Variants in KCNQ1 observed in about 807,000 individuals in gnomAD.
KCNQ1 encodes potassium voltage-gated channel subfamily KQT member 1.
KCNQ1 carries 49 observed loss-of-function variants against 72.4 expected under a neutral mutation model. The observed-to-expected ratio is 0.68, with a 90% CI of 0.54 to 0.86. The LOEUF (loss-of-function observed/expected upper bound fraction) is 0.86, where lower values mean the gene tolerates loss of function less well. KCNQ1 is among the 40% of genes least tolerant of loss of function. KCNQ1 has a pLI of 0.00. For missense variants in KCNQ1, 790 were observed against 945.1 expected (o/e 0.84, Z 2.15); for synonymous variants, 450 against 412.6 (o/e 1.09, Z -1.10).
intron 11 of KCNQ1, among the ~76,000 whole-genome samples, chr11:2,700,462 C>T (rs1183179485): frequency 3.3e-5 from 5 of 152,252 alleles, no homozygotes; most frequent in East Asian, 3.9e-4. Flanking sequence ...GTCCAGGCCA[C>T]GCCCGAGACC....
chr11:2,461,422 G>A, intron 1 of KCNQ1: 1 of 1,280,198 alleles, frequency 7.8e-7, no homozygotes, highest in African/African-American at 1.5e-5. Context: ...AGCCGGCCGG[G>A]GCGGGGGTGG....
rs1420449856 is a variant in KCNQ1, at chr11:2,647,694, AT to A, written c.1394-14259del. On this transcript the variant is annotated intron_variant, in intron 10 of 15. Coordinates refer to ENST00000155840, the MANE Select transcript of KCNQ1 (RefSeq NM_000218.3). This position sits in a 1 kb window ranked among gnomAD's most constrained non-coding sequence, Gnocchi z 4.0. ...CATTCCTTGTTATTGCTCTGTTCAGATTTTTTTTCTTCCTGGTTCAATCTTG... is the reference window on the plus strand; with the variant it reads ...CATTCCTTGTTATTGCTCTGTTCAGATTTTTTTCTTCCTGGTTCAATCTTG... 7.5e-6 allele frequency: 3 copies of A among 398,040 alleles called. No homozygotes were observed. Among genetic ancestry groups the A allele is most frequent in the African/African-American group, 6.2e-5 (3 of 48,476 alleles). 24.7% of individuals were successfully genotyped at this position (398,040 alleles called of 1,614,324 possible). A position where few individuals can be genotyped will look rare whatever the true frequency, so the allele number is the denominator to read the frequency against.
chr11:2,647,364 G>C lies in KCNQ1; in HGVS notation c.1394-14597G>C, dbSNP rs898379544. 2 of 398,310 alleles carry C rather than the reference G, an allele frequency of 5.0e-6. No homozygotes were observed. The highest frequency in any genetic ancestry group is 8.8e-6 in the Non-Finnish European group (2 of 226,014). The allele number at this position is 398,310 out of a possible 1,614,324, so 24.7% of individuals were successfully genotyped here. A position where few individuals can be genotyped will look rare whatever the true frequency, so the allele number is the denominator to read the frequency against. ...TGTATTATCTTTTTGATGTGCGATT[G>C]GATTCAGATTGCTAGTTTGTGTGTC... On this transcript the variant is annotated intron_variant, in intron 10 of 15. Transcript: ENST00000155840. This position sits in a 1 kb window ranked among gnomAD's most constrained non-coding sequence, Gnocchi z 4.0.
intron 11 of KCNQ1, among the ~76,000 whole-genome samples, chr11:2,763,996 T>C (rs1846453224): frequency 6.6e-6 from 1 of 152,254 alleles, no homozygotes; most frequent in Admixed American, 6.5e-5. Flanking sequence ...AACAAATGTT[T>C]TATTTTTTCC....
chr11:2,498,045 C>A lies in KCNQ1; in HGVS notation c.387-29883C>A, dbSNP rs567738814. On this transcript the variant is annotated intron_variant, in intron 1 of 15. Coordinates refer to ENST00000155840, the MANE Select transcript of KCNQ1 (RefSeq NM_000218.3). The surrounding 1 kb of genome is among the most constrained non-coding windows in gnomAD (Gnocchi z 4.8). ...TGCTGCCTACTCCTTCCTCTGGAAG[C>A]TTTGTCCCAGAAGGGCACCAGCCTG... 6.6e-6 allele frequency among the ~76,000 whole-genome samples: 1 copy of A among 152,202 alleles called. No homozygotes were observed. Among genetic ancestry groups the A allele is most frequent in the South Asian group, 2.1e-4 (1 of 4,834 alleles).
rs1849870707 is a variant in KCNQ1, at chr11:2,657,491, A to G, written c.1394-4470A>G. On this transcript the variant is annotated intron_variant, in intron 10 of 15. Transcript: ENST00000155840. This position sits in a 1 kb window ranked among gnomAD's most constrained non-coding sequence, Gnocchi z 4.8. Reference sequence around the variant, plus strand: ...GTTCTGTTTTCTCTTGTTACCTCACATTTTTTATTTACAGAAGAGAAACAA... The same window carrying G: ...GTTCTGTTTTCTCTTGTTACCTCACGTTTTTTATTTACAGAAGAGAAACAA... 2.5e-6 allele frequency: 1 copy of G among 398,360 alleles called. No homozygotes were observed. The highest frequency in any genetic ancestry group is 2.1e-5 in the African/African-American group (1 of 48,620). 24.7% of individuals were successfully genotyped at this position (398,360 alleles called of 1,614,324 possible).
chr11:2,453,409 T>G (rs187006728), intron 1 of KCNQ1, among the ~76,000 whole-genome samples: 2 of 9,756 alleles, frequency 2.1e-4, no homozygotes, highest in Non-Finnish European at 1.5e-3. Flanking sequence ...AAACAGCCAA[T>G]TGCCAGGCTG....
chr11:2,660,141 T>C (rs953941034), intron 10 of KCNQ1: 2 of 398,328 alleles, frequency 5.0e-6, no homozygotes, highest in African/African-American at 4.1e-5. Flanking sequence ...GGAGATTTTC[T>C]CTTATGTTTT....
chr11:2,817,667 T>C lies in KCNQ1; in HGVS notation c.1795-30100T>C, dbSNP rs1174753658. Among the ~76,000 whole-genome samples the C allele has an allele frequency of 6.6e-5, 10 of 152,114 alleles. No individual in the cohort carries two copies. ...GAGGTGGTGAGAGCTACCCCGGGTC[T>C]GGGGACTGTTAGCACAGACCTGAGC... On this transcript the variant is annotated intron_variant, in intron 15 of 15. Coordinates refer to ENST00000155840, the MANE Select transcript of KCNQ1 (RefSeq NM_000218.3). This position sits in a 1 kb window ranked among gnomAD's most constrained non-coding sequence, Gnocchi z 6.1.
chr11:2,636,820 T>C (rs11529576), intron 10 of KCNQ1: 1 of 152,196 alleles, frequency 6.6e-6, no homozygotes, highest in Non-Finnish European at 1.5e-5. Flanking sequence ...GGTCCTGGAC[T>C]TTTTTTGGTT....
chr11:2,630,238 G>A (rs182716361), intron 10 of KCNQ1: 7 of 398,060 alleles, frequency 1.8e-5, no homozygotes, highest in African/African-American at 1.4e-4. Context: ...ACACTTAACT[G>A]TCCTTATGTA....
rs966165013 is a variant in KCNQ1 at position 2,817,820 on chromosome 11, A to T, written c.1795-29947A>T. On this transcript the variant is annotated intron_variant, in intron 15 of 15. Transcript: ENST00000155840. The surrounding 1 kb of genome is among the most constrained non-coding windows in gnomAD (Gnocchi z 6.1). Reference sequence around the variant, plus strand: ...GCTGCAACTTAAATTCCAAGGAGAGATCCTGAATCCAGAGTCACATGTATG... The same window carrying T: ...GCTGCAACTTAAATTCCAAGGAGAGTTCCTGAATCCAGAGTCACATGTATG... 6.6e-6 allele frequency among the ~76,000 whole-genome samples: 1 copy of T among 152,098 alleles called. No homozygotes were observed. Among genetic ancestry groups the T allele is most frequent in the Non-Finnish European group, 1.5e-5 (1 of 68,014 alleles).
chr11:2,493,383 T>C lies in KCNQ1; in HGVS notation c.387-34545T>C, dbSNP rs933776704. Among the ~76,000 whole-genome samples the C allele has an allele frequency of 5.9e-5, 9 of 152,348 alleles. No individual in the cohort carries two copies. The highest frequency in any genetic ancestry group is 3.9e-4 in the East Asian group (2 of 5,188). On this transcript the variant is annotated intron_variant, in intron 1 of 15. Transcript: ENST00000155840. This position sits in a 1 kb window ranked among gnomAD's most constrained non-coding sequence, Gnocchi z 5.3. ...GATCCCATTTGTCAATTTTGGCTTT[T>C]GTTGCAATTGCTCTTGGTGTTTTAG...
intron 10 of KCNQ1, chr11:2,644,719 A>G: frequency 2.5e-6 from 1 of 398,532 alleles, no homozygotes; most frequent in East Asian, 3.6e-5. Context: ...CTTGTTCCTG[A>G]AGATATATCT....
At position 2,769,942 on chromosome 11, in the gene KCNQ1, C is replaced by A. The variant is rs1051902186; in HGVS notation, c.1590+1023C>A. On this transcript the variant is annotated intron_variant, in intron 12 of 15. Coordinates refer to ENST00000155840, the MANE Select transcript of KCNQ1 (RefSeq NM_000218.3). This position sits in a 1 kb window ranked among gnomAD's most constrained non-coding sequence, Gnocchi z 4.6. Reference sequence around the variant, plus strand: ...TCGGTGGCATCCCAGCCCACCAAGACTTATCCTGGAGCCACTGAGCTCCCT... The same window carrying A: ...TCGGTGGCATCCCAGCCCACCAAGAATTATCCTGGAGCCACTGAGCTCCCT... 7.2e-5 allele frequency among the ~76,000 whole-genome samples: 11 copies of A among 152,116 alleles called. No individual in the cohort carries two copies. The highest frequency in any genetic ancestry group is 2.7e-4 in the African/African-American group (11 of 41,428).
At chr11:2,684,384 G>A (rs914365215) in intron 11 of KCNQ1, 7 of 398,574 alleles carry the variant, frequency 1.8e-5, no homozygotes, top group Non-Finnish European at 3.1e-5. Flanking sequence ...ACAAGCTCCA[G>A]TGGGGTCCAT....
chr11:2,507,608 C>T lies in KCNQ1; in HGVS notation c.387-20320C>T, dbSNP rs1238674805. 6.6e-6 allele frequency among the ~76,000 whole-genome samples: 1 copy of T among 152,070 alleles called. No individual in the cohort carries two copies. Among genetic ancestry groups the T allele is most frequent in the Non-Finnish European group, 1.5e-5 (1 of 68,010 alleles). On this transcript the variant is annotated intron_variant, in intron 1 of 15. Transcript: ENST00000155840. This position sits in a 1 kb window ranked among gnomAD's most constrained non-coding sequence, Gnocchi z 5.4. ...TGGGGCGAAGGAGTCCAGCTGGGGA[C>T]ATGTTATTTTGGAGGTGTTTGTGAG...
In KCNQ1 at chr11:2,698,415, G is replaced by A. The variant is rs1850714409; in HGVS notation, c.1514+36334G>A. ...GGTACTGGGATCTGAACATAGTGGTGGCCCTTCAAGCCTACTACCCAGACT... is the reference window on the plus strand; with the variant it reads ...GGTACTGGGATCTGAACATAGTGGTAGCCCTTCAAGCCTACTACCCAGACT... On this transcript the variant is annotated intron_variant, in intron 11 of 15. Transcript: ENST00000155840. This position sits in a 1 kb window ranked among gnomAD's most constrained non-coding sequence, Gnocchi z 5.1. 2.5e-6 allele frequency: 1 copy of A among 392,766 alleles called. No individual in the cohort carries two copies. Among genetic ancestry groups the A allele is most frequent in the South Asian group, 1.4e-4 (1 of 7,384 alleles). The allele number at this position is 392,766 out of a possible 1,614,324, so 24.3% of individuals were successfully genotyped here.
At chr11:2,616,585 T>C in intron 10 of KCNQ1, 3 of 398,198 alleles carry the variant, frequency 7.5e-6, no homozygotes, top group Non-Finnish European at 1.3e-5. Flanking sequence ...GTATGTTGTG[T>C]CGTCATTTTC....
Sources: allele counts gnomAD v4.1 joint callset (sites outside exome capture counted in the v4.1 genomes callset), GRCh38; gene constraint gnomAD v4.1.1; non-coding constraint Gnocchi (gnomAD v3.1); transcripts MANE v1.5; gene names NCBI Gene and HGNC (gene_info 2026-07-23, HGNC 2026-07-21).